Variants in BARD1 observed in about 807,000 individuals in gnomAD.
BARD1 encodes BRCA1 associated RING domain 1.
BARD1 carries 73 observed loss-of-function variants against 77.0 expected under a neutral mutation model. That is an observed-to-expected ratio of 0.95 (90% confidence interval 0.79 to 1.15). The LOEUF is 1.15. Among genes scored for constraint, BARD1 ranks in the 50% most tolerant of loss-of-function variants. The pLI is 0.00. For missense variants in BARD1, 993 were observed against 938.8 expected (o/e 1.06, Z -0.75); for synonymous variants, 384 against 338.0 (o/e 1.14, Z -1.49).
chr2:214,808,400 C>T (rs1696377810), intron 1 of BARD1, among the ~76,000 whole-genome samples: 1 of 152,156 alleles, frequency 6.6e-6, no homozygotes. Context: ...CAGAGCGAGA[C>T]TCCGTCTCAA....
rs73084562 is a variant in BARD1 at position 214,770,375 on chromosome 2, T to C, written c.1315-1063A>G. Among the ~76,000 whole-genome samples, 1,164 of 152,298 alleles carry C rather than the reference T, an allele frequency of 7.6e-3. 15 individuals carry two copies. The highest frequency in any genetic ancestry group is 0.026 in the African/African-American group (1,081 of 41,558). ...TCTATTCCAGTACTCTGGAGAGCTA[T>C]GCAACAATGTTATAACAGTAGCAAC... On this transcript the variant is annotated intron_variant, in intron 4 of 10. Coordinates refer to ENST00000260947, the MANE Select transcript of BARD1 (RefSeq NM_000465.4).
Position 214,728,805 on chromosome 2 carries a change from C to A in BARD1, c.2205G>T (p.Gln735His), listed in dbSNP as rs1574702556. 1 of 1,614,186 alleles carries A rather than the reference C, an allele frequency of 6.2e-7. No homozygotes were observed. Among genetic ancestry groups the A allele is most frequent in the Non-Finnish European group, 8.5e-7 (1 of 1,180,028 alleles). ...TACACAAATCTTCATAGATGATATACTGTGTGCAGAAGCGCTGATCAGAAT... is the reference window on the plus strand; with the variant it reads ...TACACAAATCTTCATAGATGATATAATGTGTGCAGAAGCGCTGATCAGAAT... The part of the protein sequence containing the change: ...RPDSDQRFCT[Q>H]YIIYEDLCNY... Residue 735 changes from glutamine (Q) to histidine (H), a missense_variant, in exon 11 of 11, where the codon CAG becomes CAT. Physicochemically the swap from Gln to His is conservative, Grantham distance 24. Coordinates refer to ENST00000260947, the MANE Select transcript of BARD1 (RefSeq NM_000465.4).
intron 9 of BARD1, chr2:214,731,146 A>AC (rs1330182880): frequency 9.2e-6 from 2 of 216,284 alleles, no homozygotes; most frequent in Admixed American, 5.1e-5. Flanking sequence ...GGAAAAAAAA[A>AC]AGCATTCTTT....
chr2:214,768,325 T>C (rs1694313050), intron 5 of BARD1, among the ~76,000 whole-genome samples: 1 of 152,226 alleles, frequency 6.6e-6, no homozygotes, highest in South Asian at 2.1e-4. Context: ...TAATAAGTGA[T>C]ATCACACTCA....
chr2:214,746,746 A>G (rs1422980922), intron 7 of BARD1, among the ~76,000 whole-genome samples: 1 of 152,160 alleles, frequency 6.6e-6, no homozygotes, highest in Non-Finnish European at 1.5e-5. Flanking sequence ...AAAACCATTA[A>G]AAACCCTAGA....
At position 214,780,858 on chromosome 2, in the gene BARD1, C is replaced by G. The variant is rs201261729; in HGVS notation, c.1016G>C (p.Ser339Thr). The change falls in exon 4 of 11, where the codon AGC becomes ACC. Residue 339 changes from serine (S) to threonine (T), a missense_variant. Coordinates refer to ENST00000260947, the MANE Select transcript of BARD1 (RefSeq NM_000465.4). ...AAAATCTCCACTGGTGCTCAGAATG[C>G]TGGTTCTACATCTCTTAGAAATGGG... ...SSPISKRCRT[S>T]ILSTSGDFVK... 1.2e-6 allele frequency: 2 copies of G among 1,614,104 alleles called. No homozygotes were observed. The highest frequency in any genetic ancestry group is 3.3e-4 in the Middle Eastern group (2 of 6,062).
intron 4 of BARD1, among the ~76,000 whole-genome samples, chr2:214,770,960 A>C (rs1276750116): frequency 6.6e-6 from 1 of 152,240 alleles, no homozygotes; most frequent in Non-Finnish European, 1.5e-5. Flanking sequence ...ATTACATATT[A>C]CGTTTTAAGT....
intron 6 of BARD1, among the ~76,000 whole-genome samples, chr2:214,764,415 C>G (rs73989334): frequency 6.6e-6 from 1 of 152,168 alleles, no homozygotes; most frequent in East Asian, 1.9e-4. Flanking sequence ...CAGGTGAAAC[C>G]CAAATGAGAA....
At chr2:214,729,945 T>A (rs560587853) in intron 10 of BARD1, among the ~76,000 whole-genome samples, 88 of 152,284 alleles carry the variant, frequency 5.8e-4, no homozygotes, top group African/African-American at 2.0e-3. Flanking sequence ...CAATTAGCTA[T>A]GAAACATACT....
chr2:214,776,724 A>T (rs996743284), intron 4 of BARD1, among the ~76,000 whole-genome samples: 2 of 152,194 alleles, frequency 1.3e-5, no homozygotes, highest in Non-Finnish European at 2.9e-5. Context: ...AGAACCTGTG[A>T]CTATGTTACC....
In BARD1 at chr2:214,737,345, C is replaced by T. The variant is rs140772334; in HGVS notation, c.1904-6837G>A. On this transcript the variant is annotated intron_variant, in intron 9 of 10. Coordinates refer to ENST00000260947, the MANE Select transcript of BARD1 (RefSeq NM_000465.4). ...TCAACCTCTTTTATAGATAAGGAAA[C>T]TTAAGTCCCAAGAGATTTAAGTGGC... is the stretch of plus-strand genomic sequence containing the variant. 1.7e-3 allele frequency among the ~76,000 whole-genome samples: 264 copies of T among 152,232 alleles called. 2 individuals are homozygous for T. Among genetic ancestry groups the T allele is most frequent in the African/African-American group, 5.9e-3 (245 of 41,552 alleles).
At chr2:214,764,679 G>A (rs149804823) in intron 6 of BARD1, among the ~76,000 whole-genome samples, 21 of 152,210 alleles carry the variant, frequency 1.4e-4, no homozygotes, top group African/African-American at 4.6e-4. Flanking sequence ...AGGAAGCCAC[G>A]GAAGGATTTT....
At position 214,788,174 on chromosome 2, in the gene BARD1, C is replaced by A. The variant is rs541464180; in HGVS notation, c.364+4123G>T. 7.6e-4 allele frequency among the ~76,000 whole-genome samples: 110 copies of A among 144,670 alleles called. 1 individual carries two copies. Among genetic ancestry groups the A allele is most frequent in the African/African-American group, 2.8e-3 (110 of 39,322 alleles). 94.9% of individuals were successfully genotyped at this position (144,670 alleles called of 152,430 possible). A position where few individuals can be genotyped will look rare whatever the true frequency, so the allele number is the denominator to read the frequency against. ...AAAGGAAATTGTAATACTATAAAAGCATAATCAAAGTATTTTTTTTTTAAT... is the reference window on the plus strand; with the variant it reads ...AAAGGAAATTGTAATACTATAAAAGAATAATCAAAGTATTTTTTTTTTAAT... On this transcript the variant is annotated intron_variant, in intron 3 of 10. Transcript: ENST00000260947.
chr2:214,741,141 C>T (rs6712987), intron 9 of BARD1, among the ~76,000 whole-genome samples: 5,197 of 152,122 alleles, frequency 0.034, 286 homozygotes, highest in African/African-American at 0.12. Context: ...TTAGCCCTTC[C>T]CCATCTCACA....
At chr2:214,738,476 G>A (rs981014189) in intron 9 of BARD1, among the ~76,000 whole-genome samples, 4 of 152,046 alleles carry the variant, frequency 2.6e-5, no homozygotes, top group Admixed American at 1.3e-4. Flanking sequence ...GTACTGTACA[G>A]AAGGTATTTT....
At chr2:214,798,662 T>C (rs1164423263) in intron 1 of BARD1, among the ~76,000 whole-genome samples, 1 of 151,534 alleles carries the variant, frequency 6.6e-6, no homozygotes, top group Admixed American at 6.6e-5. Flanking sequence ...CACTACCTAA[T>C]TGTGCTGACC....
rs1316885634 is a variant in BARD1, at chr2:214,769,314, T to C, written c.1315-2A>G. ...GTATTCAACAGAAGGTATGTCGCCC[T>C]AGAAAAATGAACAAAACGGAAATTA... On this transcript the variant is annotated splice_acceptor_variant, in intron 4 of 10. Transcript: ENST00000260947. LOFTEE classifies it high-confidence loss of function. 1.2e-6 allele frequency: 2 copies of C among 1,611,026 alleles called. No individual in the cohort carries two copies. Among genetic ancestry groups the C allele is most frequent in the Non-Finnish European group, 1.7e-6 (2 of 1,177,396 alleles).
rs556540005 is a variant in BARD1 at position 214,753,083 on chromosome 2, G to T, written c.1569-528C>A. ...ACCTATAATAATCACAACCATCGCA[G>T]AACAAAGTATTATGGCTCAGAGAGA... On this transcript the variant is annotated intron_variant, in intron 6 of 10. Coordinates refer to ENST00000260947, the MANE Select transcript of BARD1 (RefSeq NM_000465.4). 2.8e-4 allele frequency among the ~76,000 whole-genome samples: 42 copies of T among 152,156 alleles called. 1 individual carries two copies. In the South Asian group the frequency reaches 8.3e-3, roughly 30 times the overall value.
At chr2:214,796,738 G>T in intron 2 of BARD1, 1 of 313,550 alleles carries the variant, frequency 3.2e-6, no homozygotes, top group East Asian at 7.3e-5. Context: ...TCACAATTTT[G>T]AGTCTAGATT....
Sources: gnomAD v4.1 joint callset for allele counts (sites outside exome capture counted in the v4.1 genomes callset) on GRCh38, gnomAD v4.1.1 for gene constraint, MANE v1.5 for transcripts, NCBI Gene and HGNC (gene_info 2026-07-23, HGNC 2026-07-21) for gene names.